Variants in MAGI3 observed in about 807,000 individuals in gnomAD.
The protein encoded by MAGI3 is membrane-associated guanylate kinase, WW and PDZ domain-containing protein 3.
Under a neutral mutation model 121.8 loss-of-function variants are expected in MAGI3, and 43 were observed. That is an observed-to-expected ratio of 0.35 (90% CI 0.28 to 0.46). MAGI3 has a LOEUF of 0.46. Ranked by LOEUF, MAGI3 falls within the 20% of genes least tolerant of loss-of-function variation. MAGI3 has a pLI of 1.00. For synonymous variants in MAGI3, 553 were observed against 639.3 expected (o/e 0.86, Z 2.04); for missense variants, 1,547 against 1,797.3 (o/e 0.86, Z 2.52).
At chr1:113,640,799 G>A (rs567750441) in intron 9 of MAGI3, among the ~76,000 whole-genome samples, 167 of 150,180 alleles carry the variant, frequency 1.1e-3, no homozygotes, top group Non-Finnish European at 2.0e-3. Flanking sequence ...CCTAGATGAC[G>A]GGTTGATAGG....
Position 113,676,408 on chromosome 1 carries a change from C to T in MAGI3, c.3189+2943C>T, listed in dbSNP as rs374402498. Among the ~76,000 whole-genome samples the T allele has an allele frequency of 2.6e-4, 39 of 152,248 alleles. No individual in the cohort carries two copies. The South Asian group carries it at 3.3e-3, about 13-fold the overall frequency. On this transcript the variant is annotated intron_variant, in intron 19 of 20. Transcript: ENST00000307546. ...CAGCAAAACATCCTCAGTTAAAAAA[C>T]GACAACATGACATGCTTTATGAATG... is the stretch of plus-strand genomic sequence containing the variant.
At chr1:113,656,881 A>G (rs546426467) in intron 15 of MAGI3, among the ~76,000 whole-genome samples, 301 of 152,288 alleles carry the variant, frequency 2.0e-3, no homozygotes, top group Non-Finnish European at 3.6e-3. Flanking sequence ...AATTTGTCTA[A>G]GTGCTGAATG....
intron 1 of MAGI3, among the ~76,000 whole-genome samples, chr1:113,472,713 G>A (rs984528949): frequency 2.3e-4 from 32 of 142,214 alleles, no homozygotes; most frequent in African/African-American, 8.6e-4. Context: ...GAGGCTTACT[G>A]ATATTGTGTA....
chr1:113,553,692 G>A (rs913328791), intron 2 of MAGI3, among the ~76,000 whole-genome samples: 12 of 152,132 alleles, frequency 7.9e-5, no homozygotes, highest in African/African-American at 2.9e-4. Flanking sequence ...AAGAAAGAAG[G>A]AAAGAAGTAA....
intron 13 of MAGI3, among the ~76,000 whole-genome samples, chr1:113,650,198 A>C (rs1314498538): frequency 6.6e-6 from 1 of 152,178 alleles, no homozygotes; most frequent in Non-Finnish European, 1.5e-5. Context: ...CAGTTACAAC[A>C]GTCATTGGAG....
intron 4 of MAGI3, among the ~76,000 whole-genome samples, chr1:113,588,748 T>G (rs1169649464): frequency 6.6e-6 from 1 of 152,084 alleles, no homozygotes; most frequent in African/African-American, 2.4e-5. Flanking sequence ...ATTGATGACC[T>G]TGATAAGAAT....
intron 19 of MAGI3, 84 bp from the exon 20 acceptor site, chr1:113,681,114 G>A: frequency 6.6e-7 from 1 of 1,512,998 alleles, no homozygotes; most frequent in Non-Finnish European, 8.9e-7. Flanking sequence ...ACTTAGCAAG[G>A]TTGAATGGCT....
At chr1:113,553,093 C>CTTTTTTTCTATTATTTTTTTCTATTTTT (rs1553198915) in intron 2 of MAGI3, among the ~76,000 whole-genome samples, 1 of 152,082 alleles carries the variant, frequency 6.6e-6, no homozygotes, top group Non-Finnish European at 1.5e-5. Context: ...AAAGAGGGCA[C>CTTTTTTTCTATTATTTTTTTCTATTTTT]TTCTATTATT....
At chr1:113,649,459 C>A in intron 13 of MAGI3, 131 bp downstream of exon 13, 1 of 583,692 alleles carries the variant, frequency 1.7e-6, no homozygotes, top group Non-Finnish European at 3.0e-6. Context: ...AACTGCATTT[C>A]CATTATTATC....
chr1:113,671,211 C>T (rs1187642437), intron 16 of MAGI3, among the ~76,000 whole-genome samples: 1 of 152,070 alleles, frequency 6.6e-6, no homozygotes, highest in Non-Finnish European at 1.5e-5. Context: ...TTTGTTAGCA[C>T]TCAGGATTCT....
chr1:113,623,271 G>A (rs954442741), intron 9 of MAGI3, among the ~76,000 whole-genome samples: 1 of 151,672 alleles, frequency 6.6e-6, no homozygotes, highest in Non-Finnish European at 1.5e-5. Flanking sequence ...ATCTCCTCAA[G>A]CATTTATCTG....
chr1:113,665,795 G>A (rs1297422365), intron 16 of MAGI3, among the ~76,000 whole-genome samples: 1 of 151,976 alleles, frequency 6.6e-6, no homozygotes, highest in Non-Finnish European at 1.5e-5. Flanking sequence ...TATTGCTGTA[G>A]TTTAACTGTG....
At chr1:113,519,821 G>A (rs1658089196) in intron 1 of MAGI3, among the ~76,000 whole-genome samples, 1 of 152,180 alleles carries the variant, frequency 6.6e-6, no homozygotes, top group South Asian at 2.1e-4. Context: ...GACTCCCAAA[G>A]AAAAGTAAAC....
intron 7 of MAGI3, among the ~76,000 whole-genome samples, chr1:113,615,513 C>T (rs562989848): frequency 1.1e-4 from 16 of 152,150 alleles, no homozygotes; most frequent in Non-Finnish European, 2.1e-4. Flanking sequence ...CTTAATGTTT[C>T]AACACTTATA....
intron 1 of MAGI3, among the ~76,000 whole-genome samples, chr1:113,537,589 A>G (rs1461870047): frequency 6.6e-6 from 1 of 152,140 alleles, no homozygotes; most frequent in Admixed American, 6.5e-5. Context: ...GATATTTTCT[A>G]TTCAGAGTTT....
intron 1 of MAGI3, among the ~76,000 whole-genome samples, chr1:113,452,551 G>A (rs529428987): frequency 2.0e-4 from 30 of 151,892 alleles, no homozygotes; most frequent in African/African-American, 7.0e-4. Context: ...AATCTATTGA[G>A]AAAAGTTATG....
chr1:113,562,660 G>GAAC (rs150152372), intron 2 of MAGI3, among the ~76,000 whole-genome samples: 9,897 of 152,212 alleles, frequency 0.065, 361 homozygotes, highest in Non-Finnish European at 0.075. Flanking sequence ...ACATGGTGGG[G>GAAC]AACAACACAC....
At chr1:113,508,017 A>G (rs1657427742) in intron 1 of MAGI3, among the ~76,000 whole-genome samples, 1 of 152,206 alleles carries the variant, frequency 6.6e-6, no homozygotes, top group Non-Finnish European at 1.5e-5. Context: ...GCCTAGGTCA[A>G]GTTTTCCTTT....
intron 9 of MAGI3, among the ~76,000 whole-genome samples, chr1:113,639,493 C>T (rs1049120105): frequency 2.0e-5 from 3 of 152,222 alleles, no homozygotes; most frequent in Admixed American, 2.0e-4. Flanking sequence ...CCTCCGCCTC[C>T]TGCGTTCAAG....
Sources: gnomAD v4.1 joint callset for allele counts (sites outside exome capture counted in the v4.1 genomes callset) on GRCh38, gnomAD v4.1.1 for gene constraint, MANE v1.5 for transcripts, NCBI Gene and HGNC (gene_info 2026-07-23, HGNC 2026-07-21) for gene names.